ZFYVE28: variants seen among roughly 807,000 people sequenced by gnomAD.
ZFYVE28 encodes lateral signaling target protein 2 homolog.
A neutral mutation model predicts 82.1 loss-of-function variants in ZFYVE28; 40 were observed. That is an observed-to-expected ratio of 0.49 (90% CI 0.38 to 0.63). The LOEUF is 0.63. ZFYVE28 is among the 30% of genes least tolerant of loss of function. The probability of loss-of-function intolerance (pLI) is 0.00; values close to 1 mark genes in which losing one functional copy is unlikely to be tolerated. For missense variants in ZFYVE28, 1,321 were observed against 1,242.1 expected (o/e 1.06, Z -0.96); for synonymous variants, 612 against 546.1 (o/e 1.12, Z -1.68).
chr4:2,271,339 C>T lies in ZFYVE28; in HGVS notation c.2504G>A (p.Arg835Gln). The T allele has an allele frequency of 4.3e-6, 7 of 1,612,902 alleles. No homozygotes were observed. The highest frequency in any genetic ancestry group is 5.1e-6 in the Non-Finnish European group (6 of 1,179,980). The change falls in exon 12 of 13, where the codon CGG becomes CAG. Residue 835 changes from arginine (R) to glutamine (Q), a missense_variant. Arg to Gln is a conservative substitution (Grantham distance 43). This residue lies in a region of ZFYVE28 where 978 missense variants were observed against 833.7 expected (regional missense o/e 1.17). Coordinates refer to ENST00000290974, the MANE Select transcript of ZFYVE28 (RefSeq NM_020972.3). ...CCCACAGCTGCGGCAGTGGTGCTTC[C>T]GGCGGATGACGGTGAAGGGTGCTTT... ...ACKAPFTVIRRKHHCRSCGKI... is the reference protein window; with the variant it reads ...ACKAPFTVIRQKHHCRSCGKI...
intron 2 of ZFYVE28, among the ~76,000 whole-genome samples, chr4:2,348,148 T>C (rs1723856878): frequency 6.6e-6 from 1 of 152,130 alleles, no homozygotes; most frequent in South Asian, 2.1e-4. Context: ...GGATCCTACA[T>C]ATATTAAAAG....
intron 2 of ZFYVE28, chr4:2,343,013 T>C (rs916671591): frequency 1.3e-5 from 2 of 152,256 alleles, no homozygotes; most frequent in African/African-American, 2.4e-5. Context: ...TTATTACATC[T>C]GTCACATATA....
intron 6 of ZFYVE28, chr4:2,330,293 A>C: frequency 2.0e-6 from 2 of 988,948 alleles, no homozygotes; most frequent in Non-Finnish European, 2.4e-6. Flanking sequence ...ATGGAAAAAT[A>C]AATAACAGAG....
At chr4:2,316,626 T>G (rs1413403344) in intron 7 of ZFYVE28, 3 of 152,238 alleles carry the variant, frequency 2.0e-5, no homozygotes, top group Non-Finnish European at 1.5e-5. Flanking sequence ...TGGGAGTAGT[T>G]ATCTGGATCA....
chr4:2,323,769 C>T (rs1719455219), intron 6 of ZFYVE28, among the ~76,000 whole-genome samples: 1 of 146,852 alleles, frequency 6.8e-6, no homozygotes, highest in African/African-American at 2.5e-5. Flanking sequence ...GTTCAATTCC[C>T]ACCTATGAGT....
intron 1 of ZFYVE28, among the ~76,000 whole-genome samples, chr4:2,355,154 C>T (rs1039231849): frequency 6.0e-5 from 8 of 133,780 alleles, no homozygotes; most frequent in Non-Finnish European, 1.1e-4. Context: ...ATCAGAGTTT[C>T]GAGGATTCAA....
At chr4:2,327,269 T>A (rs1719990234) in intron 6 of ZFYVE28, among the ~76,000 whole-genome samples, 1 of 20,524 alleles carries the variant, frequency 4.9e-5, no homozygotes, top group East Asian at 8.3e-4. Flanking sequence ...TATATATATA[T>A]ATATATATAT....
At position 2,335,861 on chromosome 4, in the gene ZFYVE28, G is replaced by T; in HGVS notation, c.612-67C>A. The T allele has an allele frequency of 7.3e-7, 1 of 1,362,040 alleles. No individual in the cohort carries two copies. The highest frequency in any genetic ancestry group is 1.0e-6 in the Non-Finnish European group (1 of 979,676). 84.4% of individuals were successfully genotyped at this position (1,362,040 alleles called of 1,614,324 possible). On this transcript the variant is annotated intron_variant, in intron 5 of 12. Transcript: ENST00000290974. This position sits in a 1 kb window ranked among gnomAD's most constrained non-coding sequence, Gnocchi z 5.8. ...CACCACAGCCACAGGTTGGACCCCA[G>T]CAGGGACAGGCAGTGCGCTCAATCT...
chr4:2,316,989 C>CT (rs35604630), intron 7 of ZFYVE28, among the ~76,000 whole-genome samples: 64,364 of 125,592 alleles, frequency 0.51, 17,088 homozygotes, highest in African/African-American at 0.58. Flanking sequence ...GTTTCTTTAA[C>CT]TTTTTTTTTT....
intron 8 of ZFYVE28, among the ~76,000 whole-genome samples, chr4:2,281,505 C>T (rs888048377): frequency 1.3e-5 from 2 of 152,132 alleles, no homozygotes; most frequent in Non-Finnish European, 2.9e-5. Context: ...GAAGGCATCG[C>T]ATGGGCAAGA....
intron 7 of ZFYVE28, among the ~76,000 whole-genome samples, chr4:2,319,333 CT>C (rs928846433): frequency 4.6e-5 from 7 of 152,192 alleles, no homozygotes; most frequent in Admixed American, 1.3e-4. Context: ...ACCCCTGCCC[CT>C]GAACCCACTG....
chr4:2,400,490 G>A (rs1731057734), intron 1 of ZFYVE28, among the ~76,000 whole-genome samples: 1 of 152,102 alleles, frequency 6.6e-6, no homozygotes, highest in Admixed American at 6.5e-5. Flanking sequence ...GTGTCATGAG[G>A]CCCCCAGACA....
Position 2,335,366 on chromosome 4 carries a change from C to T in ZFYVE28, c.701+339G>A, listed in dbSNP as rs546235217. ...CAGCCCCTGCGTGGCCACTCTGTTCCGAGCATGACCCCTGTGTGACCCTCA... is the reference window on the plus strand; with the variant it reads ...CAGCCCCTGCGTGGCCACTCTGTTCTGAGCATGACCCCTGTGTGACCCTCA... On this transcript the variant is annotated intron_variant, in intron 6 of 12. Coordinates refer to ENST00000290974, the MANE Select transcript of ZFYVE28 (RefSeq NM_020972.3). The surrounding 1 kb of genome is among the most constrained non-coding windows in gnomAD (Gnocchi z 5.8). 4.6e-4 allele frequency among the ~76,000 whole-genome samples: 70 copies of T among 152,308 alleles called. No individual in the cohort carries two copies. Among genetic ancestry groups the T allele is most frequent in the African/African-American group, 1.4e-3 (57 of 41,578 alleles).
intron 8 of ZFYVE28, among the ~76,000 whole-genome samples, chr4:2,303,967 G>A (rs1238445634): frequency 6.6e-6 from 1 of 152,238 alleles, no homozygotes; most frequent in African/African-American, 2.4e-5. Flanking sequence ...GGGGCGGGAT[G>A]GGCCGGGGCT....
rs901059324 is a variant in ZFYVE28, at chr4:2,335,612, C to T, written c.701+93G>A. ...CTGAGCGGCCACCGTGAGGTGGAGA[C>T]GCCATGGACCGGCACCCGCACGGGA... On this transcript the variant is annotated intron_variant, in intron 6 of 12. Coordinates refer to ENST00000290974, the MANE Select transcript of ZFYVE28 (RefSeq NM_020972.3). The surrounding 1 kb of genome is among the most constrained non-coding windows in gnomAD (Gnocchi z 5.8). The T allele has an allele frequency of 2.1e-5, 25 of 1,214,106 alleles. No homozygotes were observed. The highest frequency in any genetic ancestry group is 1.2e-4 in the Admixed American group (6 of 49,826). The allele number at this position is 1,214,106 out of a possible 1,614,324, so 75.2% of individuals were successfully genotyped here. A position where few individuals can be genotyped will look rare whatever the true frequency, so the allele number is the denominator to read the frequency against.
chr4:2,380,856 C>T (rs557128486), intron 1 of ZFYVE28, among the ~76,000 whole-genome samples: 87 of 152,244 alleles, frequency 5.7e-4, no homozygotes, highest in African/African-American at 2.1e-3. Context: ...AACTGTAAGT[C>T]CAATTAAACC....
At chr4:2,385,898 C>G (rs1729209201) in intron 1 of ZFYVE28, among the ~76,000 whole-genome samples, 1 of 152,242 alleles carries the variant, frequency 6.6e-6, no homozygotes, top group Non-Finnish European at 1.5e-5. Context: ...TTGACTTTGT[C>G]AGTGGGTCCT....
At chr4:2,271,075 G>A (rs1179645435) in intron 12 of ZFYVE28, 2 of 754,324 alleles carry the variant, frequency 2.7e-6, no homozygotes, top group East Asian at 5.4e-5. Flanking sequence ...CACACTCGCT[G>A]TCCCCTCTCT....
At chr4:2,387,056 TCCGGGG>T (rs59609334) in intron 1 of ZFYVE28, among the ~76,000 whole-genome samples, 2,805 of 152,024 alleles carry the variant, frequency 0.018, 80 homozygotes, top group African/African-American at 0.06. Context: ...TGCAGGAGAC[TCCGGGG>T]CCGGGGCCGG....
Sources: allele counts gnomAD v4.1 joint callset (sites outside exome capture counted in the v4.1 genomes callset), GRCh38; gene constraint gnomAD v4.1.1; regional missense constraint gnomAD v4.1.1; non-coding constraint Gnocchi (gnomAD v3.1); transcripts MANE v1.5; gene names NCBI Gene and HGNC (gene_info 2026-07-23, HGNC 2026-07-21).